PRELID2: variants seen among roughly 807,000 people sequenced by gnomAD.
The protein encoded by PRELID2 is PRELI domain containing 2.
A neutral mutation model predicts 28.4 loss-of-function variants in PRELID2; 25 were observed. The observed-to-expected ratio is 0.88, with a 90% CI of 0.64 to 1.23. The LOEUF (loss-of-function observed/expected upper bound fraction) is 1.23. Ranked by LOEUF, PRELID2 falls within the 50% of genes most tolerant of loss-of-function variation. The pLI is 0.00. For synonymous variants in PRELID2, 76 were observed against 71.6 expected (o/e 1.06, Z -0.31); for missense variants, 201 against 214.4 (o/e 0.94, Z 0.39).
intron 5 of PRELID2, among the ~76,000 whole-genome samples, chr5:145,789,055 C>T (rs183391895): frequency 2.6e-5 from 4 of 152,158 alleles, no homozygotes; most frequent in South Asian, 2.1e-4. Context: ...ATTAATATTG[C>T]TAACTTATCC....
chr5:145,531,466 A>G (rs1201530639), intron 1 of PRELID2, among the ~76,000 whole-genome samples: 2 of 152,192 alleles, frequency 1.3e-5, no homozygotes, highest in Admixed American at 1.3e-4. Flanking sequence ...TCTAACCTTG[A>G]TAATTGAAGA....
intron 1 of PRELID2, among the ~76,000 whole-genome samples, chr5:145,673,462 A>G (rs1754751022): frequency 1.3e-5 from 2 of 151,156 alleles, no homozygotes. Flanking sequence ...CTAAATGCTG[A>G]TATACCAAGA....
chr5:145,495,908 T>C (rs552924419), intron 1 of PRELID2, among the ~76,000 whole-genome samples: 7 of 152,166 alleles, frequency 4.6e-5, no homozygotes, highest in Non-Finnish European at 1.0e-4. Flanking sequence ...TCTGTGTCCA[T>C]TAGCTTAGCT....
the PRELID2 span, among the ~76,000 whole-genome samples, chr5:145,240,477 TTA>T: frequency 1.3e-5 from 2 of 152,022 alleles, no homozygotes; most frequent in East Asian, 3.9e-4. Flanking sequence ...TAAACATACT[TTA>T]TAAGTATCCA....
At chr5:145,297,419 A>G in the PRELID2 span, among the ~76,000 whole-genome samples, 7 of 150,324 alleles carry the variant, frequency 4.7e-5, no homozygotes, top group African/African-American at 9.8e-5. Flanking sequence ...ATTCAACAAC[A>G]CTTCATGCTA....
chr5:145,554,672 A>C (rs1345104145), intron 1 of PRELID2, among the ~76,000 whole-genome samples: 1 of 152,240 alleles, frequency 6.6e-6, no homozygotes, highest in African/African-American at 2.4e-5. Flanking sequence ...GGCACTCCTC[A>C]AAATGGATCT....
At chr5:145,295,019 T>C in the PRELID2 span, among the ~76,000 whole-genome samples, 23 of 152,138 alleles carry the variant, frequency 1.5e-4, no homozygotes, top group Non-Finnish European at 3.2e-4. Context: ...GGAACATAGA[T>C]ATTGATTTCC....
At chr5:145,732,582 A>G (rs1581111192) in intron 1 of PRELID2, among the ~76,000 whole-genome samples, 1 of 152,370 alleles carries the variant, frequency 6.6e-6, no homozygotes, top group East Asian at 1.9e-4. Flanking sequence ...TTGAATTTAA[A>G]TAGTCACATG....
chr5:145,539,752 G>A (rs947657607), intron 1 of PRELID2, among the ~76,000 whole-genome samples: 4 of 151,574 alleles, frequency 2.6e-5, no homozygotes, highest in Admixed American at 2.0e-4. Flanking sequence ...ATTATGATAA[G>A]CCCACTCTGT....
At chr5:145,390,903 G>A in the PRELID2 span, among the ~76,000 whole-genome samples, 5 of 152,142 alleles carry the variant, frequency 3.3e-5, no homozygotes. Context: ...AGGGCTACAG[G>A]CCCCATGCAA....
chr5:145,707,046 A>T (rs183433336), intron 1 of PRELID2, among the ~76,000 whole-genome samples: 1 of 152,362 alleles, frequency 6.6e-6, no homozygotes, highest in East Asian at 1.9e-4. Context: ...AGTGTCCTTC[A>T]GATTCAAAGG....
At chr5:145,490,693 T>C (rs1328818277) in intron 1 of PRELID2, among the ~76,000 whole-genome samples, 1 of 152,224 alleles carries the variant, frequency 6.6e-6, no homozygotes, top group African/African-American at 2.4e-5. Context: ...TCTCATCTGT[T>C]GTTTTGTTTC....
At chr5:145,299,211 C>T in the PRELID2 span, among the ~76,000 whole-genome samples, 1 of 151,922 alleles carries the variant, frequency 6.6e-6, no homozygotes, top group Non-Finnish European at 1.5e-5. Context: ...TTTTTGTTAA[C>T]ATAACAATAT....
the PRELID2 span, among the ~76,000 whole-genome samples, chr5:145,240,837 C>A: frequency 2.6e-5 from 4 of 152,058 alleles, no homozygotes; most frequent in Non-Finnish European, 2.9e-5. Flanking sequence ...TTGTTTCCTA[C>A]ATTTAGTGAA....
At chr5:145,596,786 ATATAG>A in intron 1 of PRELID2, among the ~76,000 whole-genome samples, 1 of 152,330 alleles carries the variant, frequency 6.6e-6, no homozygotes, top group East Asian at 1.9e-4. Context: ...CAAAGAAAAT[ATATAG>A]TATAAGACCC....
chr5:145,667,481 A>G (rs1435207535), intron 1 of PRELID2, among the ~76,000 whole-genome samples: 1 of 152,104 alleles, frequency 6.6e-6, no homozygotes, highest in Non-Finnish European at 1.5e-5. Flanking sequence ...TTCCCATTAT[A>G]CAGGTGAAGA....
chr5:145,552,673 G>A (rs1561504802), intron 1 of PRELID2, among the ~76,000 whole-genome samples: 3 of 152,046 alleles, frequency 2.0e-5, no homozygotes, highest in African/African-American at 7.2e-5. Context: ...TCCTGCCACC[G>A]TTCTTTTTTT....
At chr5:145,246,921 G>A in the PRELID2 span, among the ~76,000 whole-genome samples, 3 of 152,098 alleles carry the variant, frequency 2.0e-5, no homozygotes, top group Non-Finnish European at 4.4e-5. Flanking sequence ...TTCTTTCCTG[G>A]GGACCAGTCT....
At chr5:145,244,506 G>A in the PRELID2 span, among the ~76,000 whole-genome samples, 1 of 151,986 alleles carries the variant, frequency 6.6e-6, no homozygotes, top group South Asian at 2.1e-4. Context: ...GGAATGAACA[G>A]GAGGGAAAGG....
Sources: gnomAD v4.1 joint callset for allele counts (sites outside exome capture counted in the v4.1 genomes callset) on GRCh38, gnomAD v4.1.1 for gene constraint, MANE v1.5 for transcripts, NCBI Gene and HGNC (gene_info 2026-07-23, HGNC 2026-07-21) for gene names.